ZNF567: variants seen among roughly 807,000 people sequenced by gnomAD.
ZNF567 encodes zinc finger protein 567.
A neutral mutation model predicts 53.9 loss-of-function variants in ZNF567; 36 were observed. The observed-to-expected ratio is 0.67, with a 90% CI of 0.51 to 0.88. The LOEUF (loss-of-function observed/expected upper bound fraction) is 0.88, where lower values mean the gene tolerates loss of function less well. Among genes scored for constraint, ZNF567 ranks in the 40% least tolerant of loss-of-function variants. The pLI is 0.00. For missense variants in ZNF567, 619 were observed against 764.7 expected (o/e 0.81, Z 2.25); for synonymous variants, 224 against 260.4 (o/e 0.86, Z 1.35).
chr19:36,698,073 C>A (rs993953083), intron 3 of ZNF567, among the ~76,000 whole-genome samples: 14 of 152,022 alleles, frequency 9.2e-5, no homozygotes, highest in East Asian at 1.9e-4. Flanking sequence ...ATCCCTCCCC[C>A]CTCTCCCCAC....
At chr19:36,718,841 T>G in intron 5 of ZNF567, 107 bp from the exon 6 acceptor site, 1 of 881,280 alleles carries the variant, frequency 1.1e-6, no homozygotes, top group Non-Finnish European at 1.7e-6. Context: ...CCAGTGGTCA[T>G]TTGTTCTGAG....
chr19:36,708,165 C>G (rs1274443258), intron 3 of ZNF567, among the ~76,000 whole-genome samples: 2 of 152,252 alleles, frequency 1.3e-5, no homozygotes, highest in African/African-American at 4.8e-5. Flanking sequence ...TCTGGAATTA[C>G]TGGCATGAGC....
downstream of ZNF567, among the ~76,000 whole-genome samples, chr19:36,722,492 G>A (rs569414502): frequency 5.9e-5 from 9 of 152,196 alleles, no homozygotes; most frequent in African/African-American, 2.2e-4. Flanking sequence ...AGTAGAGACA[G>A]GGTTTCACTG....
chr19:36,699,361 C>T (rs983735314), intron 3 of ZNF567, among the ~76,000 whole-genome samples: 1 of 152,150 alleles, frequency 6.6e-6, no homozygotes, highest in East Asian at 1.9e-4. Flanking sequence ...AGCGTGATGC[C>T]TCCAGCTTTG....
upstream of ZNF567, among the ~76,000 whole-genome samples, chr19:36,682,843 G>A (rs906629626): frequency 5.3e-5 from 8 of 151,710 alleles, no homozygotes; most frequent in Admixed American, 3.3e-4. Context: ...TCCTGACCTC[G>A]TGATCCGCCC....
At chr19:36,710,225 T>A (rs752556807) in intron 3 of ZNF567, among the ~76,000 whole-genome samples, 39 of 151,930 alleles carry the variant, frequency 2.6e-4, no homozygotes, top group Non-Finnish European at 4.3e-4. Context: ...CTTCTCTAGT[T>A]AATTTTTTAT....
chr19:36,697,292 A>G (rs921110195), intron 3 of ZNF567, among the ~76,000 whole-genome samples: 2 of 152,070 alleles, frequency 1.3e-5, no homozygotes, highest in African/African-American at 4.8e-5. Flanking sequence ...GTTTATTGCT[A>G]GTATGTGAAA....
At chr19:36,688,529 C>T (rs2038391051) in intron 1 of ZNF567, among the ~76,000 whole-genome samples, 1 of 150,320 alleles carries the variant, frequency 6.7e-6, no homozygotes, top group African/African-American at 2.5e-5. Flanking sequence ...CCATGCGGGC[C>T]GGGCGCGGTG....
chr19:36,715,666 A>G (rs2040030952), intron 5 of ZNF567, among the ~76,000 whole-genome samples: 1 of 150,918 alleles, frequency 6.6e-6, no homozygotes, highest in African/African-American at 2.4e-5. Context: ...GTTAGCTGGG[A>G]TTACAGGCAT....
the ZNF567 span, among the ~76,000 whole-genome samples, chr19:36,675,033 G>A: frequency 5.3e-5 from 8 of 152,148 alleles, no homozygotes; most frequent in Non-Finnish European, 1.0e-4. Context: ...GATTATAGGC[G>A]TGAGCCACTG....
chr19:36,716,340 T>A (rs2040064838), intron 5 of ZNF567, among the ~76,000 whole-genome samples: 1 of 152,246 alleles, frequency 6.6e-6, no homozygotes, highest in Admixed American at 6.5e-5. Flanking sequence ...TCTCAAGATT[T>A]CTCTGTGAAA....
Position 36,719,052 on chromosome 19 carries a change from A to G in ZNF567, c.328A>G (p.Lys110Glu). ...SINHKKLVKE[K>E]SKIYEKTFTL... Reference sequence around the variant, plus strand: ...CAACCACAAAAAACTGGTGAAGGAGAAGAGTAAAATATATGAAAAGACATT... The same window carrying G: ...CAACCACAAAAAACTGGTGAAGGAGGAGAGTAAAATATATGAAAAGACATT... Residue 110 changes from lysine (K) to glutamate (E), a missense_variant, in exon 6 of 6, where the codon AAG becomes GAG. Physicochemically the swap from Lys to Glu is moderately conservative, Grantham distance 56. Transcript: ENST00000682579. 1.9e-6 allele frequency: 3 copies of G among 1,612,754 alleles called. No homozygotes were observed. The highest frequency in any genetic ancestry group is 2.5e-6 in the Non-Finnish European group (3 of 1,179,664).
chr19:36,718,824 TGCCAG>T lies in ZNF567; in HGVS notation c.224-118_224-114del. 3 of 710,058 alleles carry T rather than the reference TGCCAG, an allele frequency of 4.2e-6. No individual in the cohort carries two copies. In the East Asian group the frequency reaches 8.7e-5, roughly 21 times the overall value. The allele number at this position is 710,058 out of a possible 1,614,324, so 44.0% of individuals were successfully genotyped here. On this transcript the variant is annotated intron_variant, in intron 5 of 5. Coordinates refer to ENST00000682579, the MANE Select transcript of ZNF567 (RefSeq NM_001322917.1). ...GTTTAGGTTCCCCTCCCCGCACCCC[TGCCAG>T]GCCAGTGGTCATTTGTTCTGAGTCT... is the stretch of plus-strand genomic sequence containing the variant.
chr19:36,679,068 T>C, the ZNF567 span, among the ~76,000 whole-genome samples: 5 of 152,030 alleles, frequency 3.3e-5, no homozygotes, highest in Non-Finnish European at 7.4e-5. Context: ...GGGCAGATCA[T>C]GAGGTCAGGA....
At chr19:36,668,652 C>T in the ZNF567 span, 1 of 152,138 alleles carries the variant, frequency 6.6e-6, no homozygotes, top group African/African-American at 2.4e-5. Flanking sequence ...AGTCCAGAGC[C>T]GACTTAGAGG....
In ZNF567 at chr19:36,712,516, A is replaced by G; in HGVS notation, c.136+4A>G. ...TATTGCCACCTCATCTCTGTGGGTA[A>G]GAAAAATCCTCTTTGAAACTTTAGT... On this transcript the variant is annotated splice_donor_region_variant and intron_variant, in intron 4 of 5. Coordinates refer to ENST00000682579, the MANE Select transcript of ZNF567 (RefSeq NM_001322917.1). 6.2e-7 allele frequency: 1 copy of G among 1,614,134 alleles called. No homozygotes were observed. Among genetic ancestry groups the G allele is most frequent in the Non-Finnish European group, 8.5e-7 (1 of 1,180,012 alleles).
the ZNF567 span, among the ~76,000 whole-genome samples, chr19:36,679,638 A>G: frequency 6.6e-6 from 1 of 152,356 alleles, no homozygotes; most frequent in African/African-American, 2.4e-5. Context: ...ACAGTGGAAT[A>G]CTATTCAGCC....
chr19:36,688,053 A>G (rs2038353691), intron 1 of ZNF567, among the ~76,000 whole-genome samples: 2 of 152,064 alleles, frequency 1.3e-5, no homozygotes, highest in African/African-American at 4.8e-5. Context: ...GTTGTTTATG[A>G]AAGTGATAGG....
downstream of ZNF567, among the ~76,000 whole-genome samples, chr19:36,724,011 T>C (rs1362045420): frequency 1.4e-5 from 2 of 147,182 alleles, no homozygotes; most frequent in Non-Finnish European, 3.0e-5. Flanking sequence ...TTTCTTTTTT[T>C]TTTTTTTTTT....
Sources: allele counts gnomAD v4.1 joint callset (sites outside exome capture counted in the v4.1 genomes callset), GRCh38; gene constraint gnomAD v4.1.1; transcripts MANE v1.5; gene names NCBI Gene and HGNC (gene_info 2026-07-23, HGNC 2026-07-21).